The following DCAF6 variants were observed in gnomAD, a reference collection of about 807,000 sequenced individuals.
The protein encoded by DCAF6 is DDB1 and CUL4 associated factor 6.
In DCAF6, 54 loss-of-function variants were observed where a neutral mutation model predicts 125.1. The observed-to-expected ratio is 0.43, with a 90% CI of 0.35 to 0.54. DCAF6 has a LOEUF of 0.54. DCAF6 is among the 20% of genes least tolerant of loss of function. The pLI is 0.01. For missense variants in DCAF6, 934 were observed against 1,161.7 expected, an observed-to-expected ratio of 0.80 and a Z score of 2.85; for synonymous variants, 371 against 390.4, an observed-to-expected ratio of 0.95 and a Z score of 0.58.
At position 168,002,590 on chromosome 1, in the gene DCAF6, G is replaced by A; in HGVS notation, c.997+15G>A. Reference sequence around the variant, plus strand: ...AGAACGAGATGGTAACTATACTTTGGTCAGCTTTTCTTTGTATATGGTATT... The same window carrying A: ...AGAACGAGATGGTAACTATACTTTGATCAGCTTTTCTTTGTATATGGTATT... On this transcript the variant is annotated intron_variant, in intron 8 of 21. Coordinates refer to ENST00000367840, the MANE Select transcript of DCAF6 (RefSeq NM_001198956.2). The A allele has an allele frequency of 6.2e-7, 1 of 1,603,884 alleles. No homozygotes were observed. Among genetic ancestry groups the A allele is most frequent in the Non-Finnish European group, 8.5e-7 (1 of 1,172,418 alleles).
At chr1:168,012,751 A>G (rs1684472589) in intron 10 of DCAF6, among the ~76,000 whole-genome samples, 1 of 152,210 alleles carries the variant, frequency 6.6e-6, no homozygotes, top group Admixed American at 6.5e-5. Flanking sequence ...AGGAGAAAAA[A>G]GCCACCATAC....
At chr1:167,916,906 G>A in the DCAF6 span, 1 of 152,320 alleles carries the variant, frequency 6.6e-6, no homozygotes, top group South Asian at 2.1e-4. Flanking sequence ...CCTCTTCATT[G>A]TGGCCTATGT....
At chr1:167,935,375 G>A (rs548113535), upstream of DCAF6, among the ~76,000 whole-genome samples, 1 of 152,274 alleles carries the variant, frequency 6.6e-6, no homozygotes, top group East Asian at 1.9e-4. Context: ...GGGTTAATAT[G>A]CCACAATTCG....
At chr1:168,060,847 C>A (rs532548102) in intron 17 of DCAF6, among the ~76,000 whole-genome samples, 1 of 152,298 alleles carries the variant, frequency 6.6e-6, no homozygotes, top group East Asian at 1.9e-4. Context: ...TGAGACCCCG[C>A]CACTGCACTC....
chr1:168,005,246 G>T (rs1683187818), intron 10 of DCAF6, among the ~76,000 whole-genome samples: 1 of 151,956 alleles, frequency 6.6e-6, no homozygotes, highest in African/African-American at 2.4e-5. Flanking sequence ...TGGTGGATTT[G>T]ATATGGTCTT....
intron 4 of DCAF6, among the ~76,000 whole-genome samples, chr1:167,985,543 T>G (rs567783677): frequency 2.0e-5 from 3 of 152,300 alleles, no homozygotes; most frequent in East Asian, 1.9e-4. Context: ...ACCCTTGTAA[T>G]TATATTGGGC....
At chr1:167,911,505 CCTT>C in the DCAF6 span, among the ~76,000 whole-genome samples, 165 of 152,354 alleles carry the variant, frequency 1.1e-3, 1 homozygote, top group Admixed American at 3.3e-3. Flanking sequence ...GTTACTTCCT[CCTT>C]CTTTTGTTCT....
chr1:167,929,667 A>G, the DCAF6 span, among the ~76,000 whole-genome samples: 47 of 152,370 alleles, frequency 3.1e-4, no homozygotes, highest in Middle Eastern at 3.4e-3. Context: ...ATAAAATATT[A>G]TATGAATCCT....
At chr1:168,001,919 A>C (rs1220159074) in intron 7 of DCAF6, among the ~76,000 whole-genome samples, 1 of 152,110 alleles carries the variant, frequency 6.6e-6, no homozygotes, top group Non-Finnish European at 1.5e-5. Flanking sequence ...ATTTTCTCTG[A>C]AGTAGGAGGA....
intron 11 of DCAF6, among the ~76,000 whole-genome samples, chr1:168,022,045 C>G (rs933277584): frequency 6.6e-6 from 1 of 151,950 alleles, no homozygotes; most frequent in Non-Finnish European, 1.5e-5. Flanking sequence ...CACCTATTCC[C>G]CAGTGTCTTG....
chr1:168,069,043 T>A (rs1392568403), intron 21 of DCAF6, among the ~76,000 whole-genome samples: 1 of 152,160 alleles, frequency 6.6e-6, no homozygotes, highest in Admixed American at 6.5e-5. Flanking sequence ...AATGTCCCCA[T>A]ACGTTTGGTA....
Position 168,015,815 on chromosome 1 carries a change from TA to T in DCAF6, c.1415del (p.Lys472SerfsTer6). Reference protein sequence around the residue: ...LRGPEIALLRKRLQQLRLKKA... With the variant: ...LRGPEIALLRXRLQQLRLKKA... The stretch of plus-strand genomic sequence containing the variant: ...GGGGCCCTGAGATAGCTTTGCTTCG[TA>T]AGCGCCTGCAACAACTGAGGCTTAA... On this transcript the variant is annotated frameshift_variant, in exon 11 of 22. Coordinates refer to ENST00000367840, the MANE Select transcript of DCAF6 (RefSeq NM_001198956.2). LOFTEE classifies it high-confidence loss of function. The T allele has an allele frequency of 6.5e-7, 1 of 1,529,194 alleles. No homozygotes were observed. The highest frequency in any genetic ancestry group is 8.8e-7 in the Non-Finnish European group (1 of 1,135,340). The allele number at this position is 1,529,194 out of a possible 1,614,324, so 94.7% of individuals were successfully genotyped here.
upstream of DCAF6, among the ~76,000 whole-genome samples, chr1:167,932,524 T>C (rs188646439): frequency 1.6e-3 from 236 of 152,100 alleles, no homozygotes; most frequent in African/African-American, 5.4e-3. Flanking sequence ...TAAGAAAACA[T>C]TGGGCCGGGT....
At chr1:168,001,242 G>T (rs766249000) in intron 7 of DCAF6, among the ~76,000 whole-genome samples, 4 of 152,024 alleles carry the variant, frequency 2.6e-5, no homozygotes, top group Non-Finnish European at 5.9e-5. Context: ...CAGTGAGCTA[G>T]GATGGGACCA....
chr1:167,882,461 G>A, the DCAF6 span, among the ~76,000 whole-genome samples: 1 of 139,418 alleles, frequency 7.2e-6, no homozygotes, highest in Non-Finnish European at 1.5e-5. Flanking sequence ...TTCCAGCCTG[G>A]GCAATAGAGC....
intron 12 of DCAF6, among the ~76,000 whole-genome samples, chr1:168,034,960 GA>G (rs1429325556): frequency 6.6e-6 from 1 of 152,028 alleles, no homozygotes; most frequent in African/African-American, 2.4e-5. Flanking sequence ...TTTTTCTTAA[GA>G]CATTTGTAGT....
the DCAF6 span, among the ~76,000 whole-genome samples, chr1:167,927,683 A>AATAT: frequency 9.5e-6 from 1 of 105,612 alleles, no homozygotes; most frequent in Non-Finnish European, 1.8e-5. Context: ...CTTTGGGGTT[A>AATAT]ATAGTCGATC....
chr1:167,909,697 C>A, the DCAF6 span, among the ~76,000 whole-genome samples: 6 of 152,118 alleles, frequency 3.9e-5, no homozygotes, highest in Non-Finnish European at 5.9e-5. Context: ...TGCTAAACAG[C>A]TTTCCAAAGT....
At chr1:167,878,540 G>A in the DCAF6 span, 2 of 1,614,138 alleles carry the variant, frequency 1.2e-6, no homozygotes, top group East Asian at 2.2e-5. Context: ...AAGTACGCTG[G>A]TAGGTTGCTC....
Sources: allele counts gnomAD v4.1 joint callset (sites outside exome capture counted in the v4.1 genomes callset), GRCh38; gene constraint gnomAD v4.1.1; transcripts MANE v1.5; gene names NCBI Gene and HGNC (gene_info 2026-07-23, HGNC 2026-07-21).